Variants in ZFHX3 observed in about 807,000 individuals in gnomAD.
ZFHX3 encodes zinc finger homeobox protein 3.
A neutral mutation model predicts 279.1 loss-of-function variants in ZFHX3; 42 were observed. The observed-to-expected ratio is 0.15, with a 90% confidence interval of 0.12 to 0.19. ZFHX3 has a LOEUF of 0.19. Among genes scored for constraint, ZFHX3 ranks in the 10% least tolerant of loss-of-function variants. ZFHX3 has a pLI of 1.00. For synonymous variants in ZFHX3, 2,293 were observed against 1,957.8 expected (o/e 1.17, Z -4.52); for missense variants, 4,981 against 4,754.0 (o/e 1.05, Z -1.40).
intron 1 of ZFHX3, among the ~76,000 whole-genome samples, chr16:73,722,274 T>G (rs1567561777): frequency 1.3e-5 from 2 of 152,178 alleles, no homozygotes; most frequent in Admixed American, 1.3e-4. Flanking sequence ...GGTGATATGG[T>G]ACTCGATTGG....
Position 72,796,142 on chromosome 16 carries a change from G to C in ZFHX3, c.6540C>G (p.Asp2180Glu). The stretch of plus-strand genomic sequence containing the variant: ...TCACTTTCTGGGGCAACCCGGACTT[G>C]TCTGCCATCTCTTTTATTTGCTCTT... ...PSEEQIKEMADKSGLPQKVIK... is the reference protein window; with the variant it reads ...PSEEQIKEMAEKSGLPQKVIK... Residue 2180 changes from aspartate to glutamate, a missense_variant, in exon 9 of 10, where the codon GAC becomes GAG. Physicochemically the swap from Asp to Glu is conservative, Grantham distance 45. Coordinates refer to ENST00000268489, the MANE Select transcript of ZFHX3 (RefSeq NM_006885.4). 27 of 1,614,176 alleles carry C rather than the reference G, an allele frequency of 1.7e-5. No homozygotes were observed. Among genetic ancestry groups the C allele is most frequent in the Non-Finnish European group, 2.2e-5 (26 of 1,180,036 alleles).
intron 5 of ZFHX3, among the ~76,000 whole-genome samples, chr16:72,822,152 T>C (rs1450377092): frequency 6.6e-6 from 1 of 152,226 alleles, no homozygotes; most frequent in Non-Finnish European, 1.5e-5. Context: ...ACCAATTGAT[T>C]GTTAACGAAA....
intron 3 of ZFHX3, among the ~76,000 whole-genome samples, chr16:72,893,727 G>C (rs1026746832): frequency 2.6e-5 from 4 of 152,170 alleles, no homozygotes; most frequent in African/African-American, 9.7e-5. Flanking sequence ...AGAAAATGAA[G>C]CCACGGCTGC....
At chr16:73,301,996 T>C (rs968239014) in intron 4 of ZFHX3, among the ~76,000 whole-genome samples, 1 of 151,904 alleles carries the variant, frequency 6.6e-6, no homozygotes, top group Non-Finnish European at 1.5e-5. Flanking sequence ...CGCCCCAACC[T>C]GTGCACCAGC....
At chr16:73,542,765 C>T (rs2020041270) in intron 2 of ZFHX3, among the ~76,000 whole-genome samples, 1 of 151,858 alleles carries the variant, frequency 6.6e-6, no homozygotes, top group South Asian at 2.1e-4. Flanking sequence ...ATAGTTGAGG[C>T]ATACTCATAC....
At chr16:73,221,258 TG>T (rs2012410120) in intron 5 of ZFHX3, among the ~76,000 whole-genome samples, 1 of 152,150 alleles carries the variant, frequency 6.6e-6, no homozygotes, top group South Asian at 2.1e-4. Flanking sequence ...GTATAAAATT[TG>T]TAAACTGCAA....
chr16:73,477,495 A>G (rs970519583), intron 2 of ZFHX3, among the ~76,000 whole-genome samples: 1 of 152,220 alleles, frequency 6.6e-6, no homozygotes, highest in Non-Finnish European at 1.5e-5. Flanking sequence ...GTATTGTAAG[A>G]GCATTCAGAC....
At chr16:73,819,931 G>A (rs1960685143) in intron 1 of ZFHX3, among the ~76,000 whole-genome samples, 1 of 152,282 alleles carries the variant, frequency 6.6e-6, no homozygotes, top group Non-Finnish European at 1.5e-5. Flanking sequence ...ATTTTCCAAA[G>A]ATGGTCACGA....
At chr16:73,028,574 C>T (rs553710365) in intron 1 of ZFHX3, among the ~76,000 whole-genome samples, 1 of 152,292 alleles carries the variant, frequency 6.6e-6, no homozygotes, top group South Asian at 2.1e-4. Flanking sequence ...CCCAAAGCAC[C>T]AACAGACAGG....
At chr16:73,215,168 G>C (rs949538401) in intron 5 of ZFHX3, among the ~76,000 whole-genome samples, 1 of 152,174 alleles carries the variant, frequency 6.6e-6, no homozygotes, top group Admixed American at 6.5e-5. Context: ...TGATGTGACA[G>C]CATCTACTGG....
rs546441830 is a variant in ZFHX3, at chr16:72,814,400, C to T, written c.3530-2362G>A. Among the ~76,000 whole-genome samples the T allele has an allele frequency of 2.6e-5, 4 of 152,162 alleles. No homozygotes were observed. The South Asian group carries it at 6.2e-4, about 24-fold the overall frequency. On this transcript the variant is annotated intron_variant, in intron 5 of 9. Transcript: ENST00000268489. The stretch of plus-strand genomic sequence containing the variant: ...CTCAATAGTGTGGATGAATGGGCAC[C>T]GAGGCTGAGACCACCCGACTCATCT...
chr16:73,212,320 CTGTT>C (rs1437278776), intron 5 of ZFHX3, among the ~76,000 whole-genome samples: 2 of 152,170 alleles, frequency 1.3e-5, no homozygotes, highest in Admixed American at 6.5e-5. Context: ...CTCTAGCACA[CTGTT>C]TGTCACTTGA....
intron 7 of ZFHX3, among the ~76,000 whole-genome samples, chr16:73,130,215 C>G (rs573744960): frequency 6.6e-6 from 1 of 152,154 alleles, no homozygotes; most frequent in Admixed American, 6.5e-5. Flanking sequence ...CTCCTCTAAC[C>G]TAACCCACGT....
At chr16:73,388,884 C>T (rs774180119) in intron 3 of ZFHX3, 3 of 152,226 alleles carry the variant, frequency 2.0e-5, no homozygotes, top group Non-Finnish European at 4.4e-5. Context: ...AACAACTCCC[C>T]TTGGGGTACC....
chr16:73,247,798 T>C (rs1217781888), intron 5 of ZFHX3, among the ~76,000 whole-genome samples: 1 of 151,968 alleles, frequency 6.6e-6, no homozygotes, highest in African/African-American at 2.4e-5. Context: ...TGTATATGTG[T>C]TTGTATGTGG....
At chr16:73,320,558 T>C (rs1597282756) in intron 3 of ZFHX3, among the ~76,000 whole-genome samples, 1 of 152,218 alleles carries the variant, frequency 6.6e-6, no homozygotes, top group South Asian at 2.1e-4. Flanking sequence ...CTCCTACTGA[T>C]GTCGAAAGGG....
Position 72,958,820 on chromosome 16 carries a change from C to G in ZFHX3, c.1326G>C (p.Glu442Asp). The G allele has an allele frequency of 6.2e-7, 1 of 1,614,168 alleles. No individual in the cohort carries two copies. Among genetic ancestry groups the G allele is most frequent in the East Asian group, 2.2e-5 (1 of 44,862 alleles). ...AATCCCCGTCGCCCACTTCCTGCTTCTCTCCTTCTGCCGCCCCAGAGTCCT... is the reference window on the plus strand; with the variant it reads ...AATCCCCGTCGCCCACTTCCTGCTTGTCTCCTTCTGCCGCCCCAGAGTCCT... ...EGKDSGAAEG[E>D]KQEVGDGDCF... Residue 442 changes from glutamate to aspartate, a missense_variant, in exon 2 of 10, where the codon GAG (glutamate) becomes GAC (aspartate). Glu to Asp is a conservative substitution (Grantham distance 45). Transcript: ENST00000268489.
At chr16:73,406,156 C>T (rs976895294) in intron 3 of ZFHX3, among the ~76,000 whole-genome samples, 8 of 152,246 alleles carry the variant, frequency 5.3e-5, no homozygotes, top group Admixed American at 3.3e-4. Flanking sequence ...AAGAACGCCC[C>T]GAACTAATTC....
At chr16:72,980,709 G>A (rs1336586819) in intron 1 of ZFHX3, among the ~76,000 whole-genome samples, 1 of 151,970 alleles carries the variant, frequency 6.6e-6, no homozygotes, top group Non-Finnish European at 1.5e-5. Flanking sequence ...AGCTGTGATC[G>A]CACCACTGTA....
Sources: allele counts gnomAD v4.1 joint callset (sites outside exome capture counted in the v4.1 genomes callset), GRCh38; gene constraint gnomAD v4.1.1; transcripts MANE v1.5; gene names NCBI Gene and HGNC (gene_info 2026-07-23, HGNC 2026-07-21).